RYR2: variants seen among roughly 807,000 people sequenced by gnomAD.
RYR2 encodes the protein cardiac muscle ryanodine receptor-calcium release channel.
A neutral mutation model predicts 601.1 loss-of-function variants in RYR2; 227 were observed. That is an observed-to-expected ratio of 0.38 (90% CI 0.34 to 0.42). The LOEUF is 0.42. Ranked by LOEUF, RYR2 falls within the 10% of genes least tolerant of loss-of-function variation. RYR2 has a pLI of 1.00. For missense variants in RYR2, 4,646 were observed against 6,156.5 expected (o/e 0.75, Z 8.21); for synonymous variants, 2,223 against 2,175.1 (o/e 1.02, Z -0.61).
At position 237,617,344 on chromosome 1, in the gene RYR2, T is replaced by TTGTA; in HGVS notation, c.5775_5778dup (p.Ala1927CysfsTer6). 6.2e-7 allele frequency: 1 copy of TTGTA among 1,613,952 alleles called. No homozygotes were observed. Among genetic ancestry groups the TTGTA allele is most frequent in the Non-Finnish European group, 8.5e-7 (1 of 1,179,852 alleles). On this transcript the variant is annotated frameshift_variant, in exon 38 of 105. Transcript: ENST00000366574. LOFTEE classifies it high-confidence loss of function. ...CAGGTCCGGCACCGGATAGAAGCCATTGTAGCCTTTTCAGATGATTTTGTG... is the reference window on the plus strand; with the variant it reads ...CAGGTCCGGCACCGGATAGAAGCCATTGTATGTAGCCTTTTCAGATGATTTTGTG...
At chr1:237,611,419 C>G (rs930379565) in intron 36 of RYR2, among the ~76,000 whole-genome samples, 4 of 151,972 alleles carry the variant, frequency 2.6e-5, no homozygotes, top group African/African-American at 9.7e-5. Context: ...AAAACTGATC[C>G]AAGAGATATT....
intron 18 of RYR2, among the ~76,000 whole-genome samples, chr1:237,492,728 G>A (rs1029222214): frequency 1.3e-5 from 2 of 151,922 alleles, no homozygotes; most frequent in Admixed American, 6.6e-5. Context: ...AGAGGCTGAG[G>A]TAGGAGGATT....
At chr1:237,380,506 G>C (rs534861869) in intron 8 of RYR2, among the ~76,000 whole-genome samples, 1 of 146,866 alleles carries the variant, frequency 6.8e-6, no homozygotes, top group East Asian at 2.0e-4. Context: ...GGAGTCTGGG[G>C]AATAATAAAG....
chr1:237,459,752 A>G (rs1463562778), intron 16 of RYR2, among the ~76,000 whole-genome samples: 1 of 152,212 alleles, frequency 6.6e-6, no homozygotes, highest in African/African-American at 2.4e-5. Context: ...TTTAGAACCT[A>G]CAAAAGTAAC....
At chr1:237,201,087 A>G (rs1022240771) in intron 1 of RYR2, among the ~76,000 whole-genome samples, 2 of 152,244 alleles carry the variant, frequency 1.3e-5, no homozygotes, top group African/African-American at 2.4e-5. Flanking sequence ...GGTAATGATA[A>G]GAAACATCAA....
intron 98 of RYR2, among the ~76,000 whole-genome samples, chr1:237,803,519 C>A (rs562555652): frequency 1.1e-3 from 168 of 152,196 alleles, no homozygotes; most frequent in African/African-American, 4.0e-3. Flanking sequence ...CCAGGATGGT[C>A]TCGATCTCCT....
At chr1:237,327,563 C>T (rs80191976) in intron 2 of RYR2, among the ~76,000 whole-genome samples, 5,760 of 152,158 alleles carry the variant, frequency 0.038, 248 homozygotes, top group African/African-American at 0.11. Context: ...AATACTGGAA[C>T]ATTTTGGATG....
rs371262363 is a variant in RYR2 at position 237,469,144 on chromosome 1, C to A, written c.1665C>A (p.Leu555=). The change falls in exon 17 of 105, where the codon CTC becomes CTA. Residue 555 remains leucine, a synonymous_variant. Transcript: ENST00000366574. ...RKNCAQFSGS[L]DWLISRLERL... ...ACTGTGCTCAATTTTCTGGCTCCCT[C>A]GACTGGTTGATCAGCAGATTGGAAA... The A allele has an allele frequency of 2.5e-6, 4 of 1,611,852 alleles. No individual in the cohort carries two copies. The highest frequency in any genetic ancestry group is 2.2e-5 in the South Asian group (2 of 90,952).
chr1:237,506,504 C>T (rs532752832), intron 22 of RYR2, among the ~76,000 whole-genome samples: 1 of 150,914 alleles, frequency 6.6e-6, no homozygotes, highest in African/African-American at 2.4e-5. Flanking sequence ...CGCCACTGCA[C>T]TCCAGCCTGG....
At chr1:237,150,100 T>C (rs1674546589) in intron 1 of RYR2, among the ~76,000 whole-genome samples, 1 of 152,262 alleles carries the variant, frequency 6.6e-6, no homozygotes, top group South Asian at 2.1e-4. Context: ...TGCAATAACC[T>C]TATGAAGTTC....
chr1:237,567,746 G>T (rs1361548042), intron 28 of RYR2, among the ~76,000 whole-genome samples: 1 of 150,478 alleles, frequency 6.6e-6, no homozygotes, highest in Admixed American at 6.6e-5. Flanking sequence ...TTCACATGAG[G>T]GGGAAAAAGC....
rs756330224 is a variant in RYR2, at chr1:237,602,105, A to T, written c.4677A>T (p.Arg1559Ser). The change falls in exon 35 of 105, where the codon AGA becomes AGT. Residue 1559 changes from arginine to serine, a missense_variant. Coordinates refer to ENST00000366574, the MANE Select transcript of RYR2 (RefSeq NM_001035.3). ...ATGTTTTCCAGTTTGAGTTGGGAAGAATAAAGGTAATAAAACTTATTCCTG... is the reference window on the plus strand; with the variant it reads ...ATGTTTTCCAGTTTGAGTTGGGAAGTATAAAGGTAATAAAACTTATTCCTG... ...SPNVFQFELG[R>S]IKNVMPLSAG... 1.2e-5 allele frequency: 20 copies of T among 1,609,614 alleles called. No individual in the cohort carries two copies. The highest frequency in any genetic ancestry group is 1.7e-5 in the Non-Finnish European group (20 of 1,177,168).
chr1:237,626,907 A>T (rs1559134950), intron 40 of RYR2, among the ~76,000 whole-genome samples: 4 of 152,042 alleles, frequency 2.6e-5, no homozygotes, highest in Admixed American at 2.6e-4. Context: ...ACTTTCTATT[A>T]TTATCAAGTT....
chr1:237,585,976 A>G (rs2148405196), intron 29 of RYR2, among the ~76,000 whole-genome samples: 1 of 152,348 alleles, frequency 6.6e-6, no homozygotes, highest in East Asian at 1.9e-4. Flanking sequence ...CAGAGAAAAA[A>G]TTGACTTTTA....
At chr1:237,072,298 C>T (rs1288275643) in intron 1 of RYR2, among the ~76,000 whole-genome samples, 1 of 152,230 alleles carries the variant, frequency 6.6e-6, no homozygotes, top group East Asian at 1.9e-4. Context: ...CAGGCATGAA[C>T]CACTGAACCC....
At chr1:237,796,181 G>A (rs1659202371) in intron 96 of RYR2, among the ~76,000 whole-genome samples, 1 of 151,892 alleles carries the variant, frequency 6.6e-6, no homozygotes, top group South Asian at 2.1e-4. Context: ...AGCTGTGAAA[G>A]AATAATTTTA....
chr1:237,329,840 A>G (rs1399599281), intron 2 of RYR2, among the ~76,000 whole-genome samples: 1 of 151,984 alleles, frequency 6.6e-6, no homozygotes, highest in Non-Finnish European at 1.5e-5. Context: ...TGGTGTATTG[A>G]TTGAGATAGC....
intron 44 of RYR2, 33 bp downstream of exon 44, chr1:237,635,025 G>C (rs1238092795): frequency 7.2e-7 from 1 of 1,387,658 alleles, no homozygotes; most frequent in Admixed American, 2.5e-5. Context: ...GTGTTTGTCT[G>C]AATTATGCTT....
chr1:237,417,155 A>G lies in RYR2; in HGVS notation c.848+32A>G, dbSNP rs374153877. The G allele has an allele frequency of 1.2e-5, 18 of 1,505,574 alleles. No homozygotes were observed. The East Asian group carries it at 2.5e-4, about 21-fold the overall frequency. 93.3% of individuals were successfully genotyped at this position (1,505,574 alleles called of 1,614,324 possible). A position where few individuals can be genotyped will look rare whatever the true frequency, so the allele number is the denominator to read the frequency against. ...AGAACTTCTAAACACAGCCTAATGC[A>G]CCAAGTGTACCAAATAGCTCAGCGT... On this transcript the variant is annotated intron_variant, in intron 11 of 104. Transcript: ENST00000366574.
Sources: gnomAD v4.1 joint callset for allele counts (sites outside exome capture counted in the v4.1 genomes callset) on GRCh38, gnomAD v4.1.1 for gene constraint, MANE v1.5 for transcripts, NCBI Gene and HGNC (gene_info 2026-07-23, HGNC 2026-07-21) for gene names.